Variants in MECOM observed in about 807,000 individuals in gnomAD.
MECOM encodes MDS1 and EVI1 complex locus.
A neutral mutation model predicts 116.3 loss-of-function variants in MECOM; 13 were observed. The observed-to-expected ratio is 0.11, with a 90% confidence interval of 0.07 to 0.18. The LOEUF (loss-of-function observed/expected upper bound fraction) is 0.18. Among genes scored for constraint, MECOM ranks in the 10% least tolerant of loss-of-function variants. The pLI is 1.00. For synonymous variants in MECOM, 528 were observed against 535.2 expected (o/e 0.99, Z 0.19); for missense variants, 1,299 against 1,509.0 (o/e 0.86, Z 2.31).
chr3:169,145,293 A>C (rs1295272837), intron 2 of MECOM: 4 of 400,790 alleles, frequency 1.0e-5, no homozygotes, highest in Admixed American at 8.2e-5. Context: ...AATTCTAAAA[A>C]TTTGTTATCA....
At chr3:169,370,905 C>T (rs1729979994) in intron 2 of MECOM, among the ~76,000 whole-genome samples, 1 of 151,916 alleles carries the variant, frequency 6.6e-6, no homozygotes, top group Non-Finnish European at 1.5e-5. Context: ...TCTTTATATA[C>T]TGTTGGTAGG....
At chr3:169,213,496 A>G (rs1470513347) in intron 2 of MECOM, among the ~76,000 whole-genome samples, 3 of 152,172 alleles carry the variant, frequency 2.0e-5, no homozygotes, top group Middle Eastern at 3.4e-3. Context: ...CATGTTCTCA[A>G]CTTTTATCCT....
intron 1 of MECOM, among the ~76,000 whole-genome samples, chr3:169,602,986 T>C (rs1374061616): frequency 2.0e-5 from 3 of 152,194 alleles, no homozygotes; most frequent in Non-Finnish European, 4.4e-5. Flanking sequence ...CATAGACAAA[T>C]ACCACATACA....
At chr3:169,132,973 C>T (rs1322866399) in intron 3 of MECOM, among the ~76,000 whole-genome samples, 4 of 151,794 alleles carry the variant, frequency 2.6e-5, no homozygotes, top group Non-Finnish European at 4.4e-5. Context: ...TGGCTGGTCT[C>T]GAACTCCTGG....
chr3:169,191,778 GAAAGAAAGAAAGAA>G (rs1747714410), intron 2 of MECOM, among the ~76,000 whole-genome samples: 4 of 138,976 alleles, frequency 2.9e-5, no homozygotes, highest in South Asian at 2.4e-4. Context: ...AAGAAAGAAA[GAAAGAAAGAAAGAA>G]AGGGAGGGAA....
intron 6 of MECOM, 89 bp from the exon 7 acceptor site, chr3:169,121,298 T>G (rs1730955382): frequency 7.4e-7 from 1 of 1,358,436 alleles, no homozygotes; most frequent in Admixed American, 2.8e-5. Flanking sequence ...GAAATTTTTC[T>G]TATTTGTTTT....
At chr3:169,316,310 G>A (rs1577689558) in intron 2 of MECOM, among the ~76,000 whole-genome samples, 1 of 152,156 alleles carries the variant, frequency 6.6e-6, no homozygotes, top group East Asian at 1.9e-4. Flanking sequence ...AAAGGTGGTG[G>A]CCTTAAATAA....
intron 1 of MECOM, among the ~76,000 whole-genome samples, chr3:169,480,702 T>C (rs1751158071): frequency 6.6e-6 from 1 of 152,174 alleles, no homozygotes; most frequent in South Asian, 2.1e-4. Flanking sequence ...GTTTTTGTTC[T>C]TCAAAAAGGA....
intron 1 of MECOM, among the ~76,000 whole-genome samples, chr3:169,497,859 G>A (rs1011526413): frequency 7.2e-5 from 11 of 152,138 alleles, no homozygotes; most frequent in South Asian, 2.1e-4. Flanking sequence ...GCTATTTATC[G>A]AATAAAGTAC....
chr3:169,411,733 G>T (rs930467655), intron 1 of MECOM, among the ~76,000 whole-genome samples: 1 of 152,246 alleles, frequency 6.6e-6, no homozygotes, highest in African/African-American at 2.4e-5. Flanking sequence ...GCTCATGCCT[G>T]TAATCCCGGC....
In MECOM at chr3:169,610,820, T is replaced by A. The variant is rs148055514; in HGVS notation, c.37+52516A>T. 1.4e-3 allele frequency among the ~76,000 whole-genome samples: 217 copies of A among 152,280 alleles called. 1 individual carries two copies. The highest frequency in any genetic ancestry group is 2.0e-3 in the Non-Finnish European group (138 of 68,002). ...TCTATGAGAGCAGGGACCTTGTCAG[T>A]CTTATTCACAATATCCCCAGCCTCT... On this transcript the variant is annotated intron_variant, in intron 1 of 16. Coordinates refer to ENST00000651503, the MANE Select transcript of MECOM (RefSeq NM_004991.4).
chr3:169,556,145 G>C (rs1762004502), intron 1 of MECOM, among the ~76,000 whole-genome samples: 1 of 152,178 alleles, frequency 6.6e-6, no homozygotes, highest in African/African-American at 2.4e-5. Context: ...ATGTACAATA[G>C]TCTTTTCCCC....
chr3:169,145,467 G>A (rs967720688), intron 2 of MECOM: 9 of 231,826 alleles, frequency 3.9e-5, no homozygotes, highest in Non-Finnish European at 6.8e-5. Flanking sequence ...GGTTTTGTTG[G>A]TTTGTTCAGT....
intron 2 of MECOM, among the ~76,000 whole-genome samples, chr3:169,324,348 G>A (rs1035202891): frequency 6.6e-6 from 1 of 152,212 alleles, no homozygotes; most frequent in Non-Finnish European, 1.5e-5. Flanking sequence ...GATAGTCAGA[G>A]TATGAGAACG....
intron 1 of MECOM, among the ~76,000 whole-genome samples, chr3:169,548,647 G>A (rs1391700486): frequency 6.6e-6 from 1 of 152,186 alleles, no homozygotes; most frequent in Non-Finnish European, 1.5e-5. Flanking sequence ...GGACAATAGA[G>A]AGGTCTGCAT....
chr3:169,217,940 A>C (rs1168347294), intron 2 of MECOM, among the ~76,000 whole-genome samples: 1 of 151,300 alleles, frequency 6.6e-6, no homozygotes, highest in Non-Finnish European at 1.5e-5. Context: ...CAGAATTTAC[A>C]ACATGGCCTT....
chr3:169,126,657 T>C (rs993003707), intron 5 of MECOM, among the ~76,000 whole-genome samples: 3 of 152,098 alleles, frequency 2.0e-5, no homozygotes, highest in African/African-American at 4.8e-5. Context: ...TTTTCAAAGC[T>C]AGATACTTAT....
At chr3:169,170,317 G>C (rs1180194556) in intron 2 of MECOM, among the ~76,000 whole-genome samples, 1 of 145,300 alleles carries the variant, frequency 6.9e-6, no homozygotes, top group Non-Finnish European at 1.5e-5. Context: ...TGAGGCAGGA[G>C]AATCCCCTGA....
intron 1 of MECOM, among the ~76,000 whole-genome samples, chr3:169,521,468 C>A (rs1490434718): frequency 6.6e-6 from 1 of 152,162 alleles, no homozygotes; most frequent in Admixed American, 6.5e-5. Context: ...ACAGCATGTA[C>A]TTTTTCATTG....
Sources: gnomAD v4.1 joint callset for allele counts (sites outside exome capture counted in the v4.1 genomes callset) on GRCh38, gnomAD v4.1.1 for gene constraint, MANE v1.5 for transcripts, NCBI Gene and HGNC (gene_info 2026-07-23, HGNC 2026-07-21) for gene names.